OGDH: variants seen among roughly 807,000 people sequenced by gnomAD.
OGDH encodes oxoglutarate dehydrogenase.
In OGDH, 38 loss-of-function variants were observed where a neutral mutation model predicts 116.6. The observed-to-expected ratio is 0.33, with a 90% CI of 0.25 to 0.43. OGDH has a LOEUF of 0.43. Ranked by LOEUF, OGDH falls within the 20% of genes least tolerant of loss-of-function variation. The pLI, the probability that OGDH is intolerant of heterozygous loss-of-function variation, is 1.00. For missense variants in OGDH, 825 were observed against 1,357.2 expected (o/e 0.61, Z 6.16); for synonymous variants, 488 against 533.3 (o/e 0.92, Z 1.17).
intron 2 of OGDH, among the ~76,000 whole-genome samples, chr7:44,634,074 C>T (rs192019276): frequency 6.6e-6 from 1 of 152,348 alleles, no homozygotes; most frequent in East Asian, 1.9e-4. Flanking sequence ...CCCACTCCTC[C>T]CACTGCCAGC....
At chr7:44,652,598 A>C (rs1193228812) in intron 4 of OGDH, among the ~76,000 whole-genome samples, 1 of 151,880 alleles carries the variant, frequency 6.6e-6, no homozygotes, top group Non-Finnish European at 1.5e-5. Context: ...ACAGGGTCTT[A>C]TTATGTTGCC....
chr7:44,684,374 AAAATTT>A (rs1788047832), intron 10 of OGDH, among the ~76,000 whole-genome samples: 1 of 152,178 alleles, frequency 6.6e-6, no homozygotes, highest in South Asian at 2.1e-4. Flanking sequence ...GAGAGAGGGA[AAAATTT>A]AAATTTAAAT....
chr7:44,653,091 T>A (rs569893864), intron 4 of OGDH, among the ~76,000 whole-genome samples: 4 of 152,232 alleles, frequency 2.6e-5, no homozygotes, highest in African/African-American at 7.2e-5. Context: ...TGGTTTTTTT[T>A]AATTATTATT....
In OGDH at chr7:44,697,857, G is replaced by C. The variant is rs1788654209; in HGVS notation, c.2358+75G>C. 1.3e-6 allele frequency: 2 copies of C among 1,505,918 alleles called. No homozygotes were observed. The highest frequency in any genetic ancestry group is 1.8e-6 in the Non-Finnish European group (2 of 1,126,640). The allele number at this position is 1,505,918 out of a possible 1,614,324, so 93.3% of individuals were successfully genotyped here. On this transcript the variant is annotated intron_variant, in intron 17 of 22. Transcript: ENST00000222673. The surrounding 1 kb of genome is among the most constrained non-coding windows in gnomAD (Gnocchi z 6.0). Reference sequence around the variant, plus strand: ...TGTAGGACCCTGACCCCAAAGACTGGCACGAGAGCCAGTGGCTCACACCAG... The same window carrying C: ...TGTAGGACCCTGACCCCAAAGACTGCCACGAGAGCCAGTGGCTCACACCAG...
chr7:44,618,826 C>A (rs897781391), intron 1 of OGDH, among the ~76,000 whole-genome samples: 1 of 152,202 alleles, frequency 6.6e-6, no homozygotes, highest in Non-Finnish European at 1.5e-5. Context: ...GATTGTAGGT[C>A]ACAAGACACC....
At position 44,701,656 on chromosome 7, in the gene OGDH, T is replaced by C. The variant is rs746298924; in HGVS notation, c.2632+41T>C. 9 of 1,554,008 alleles carry C rather than the reference T, an allele frequency of 5.8e-6. No homozygotes were observed. In the South Asian group the frequency reaches 1.0e-4, roughly 17 times the overall value. On this transcript the variant is annotated intron_variant, in intron 20 of 22. Transcript: ENST00000222673. Reference sequence around the variant, plus strand: ...ATGGGCATTTCCTTGGGGGAAGCTATGTTTGGGGCTTCTTTGCTGCTGCTC... The same window carrying C: ...ATGGGCATTTCCTTGGGGGAAGCTACGTTTGGGGCTTCTTTGCTGCTGCTC...
At chr7:44,699,135 A>G (rs1162345006) in intron 18 of OGDH, among the ~76,000 whole-genome samples, 2 of 149,298 alleles carry the variant, frequency 1.3e-5, no homozygotes, top group Non-Finnish European at 3.0e-5. Context: ...TCCGTCTCAC[A>G]AAAAAAGAAC....
intron 10 of OGDH, among the ~76,000 whole-genome samples, chr7:44,686,962 C>T (rs1183737999): frequency 1.3e-5 from 2 of 151,836 alleles, no homozygotes; most frequent in African/African-American, 2.4e-5. Context: ...GCTGGGATTA[C>T]AGGCATGAGC....
At chr7:44,620,126 T>G (rs1288239242) in intron 1 of OGDH, among the ~76,000 whole-genome samples, 1 of 152,192 alleles carries the variant, frequency 6.6e-6, no homozygotes, top group Admixed American at 6.5e-5. Flanking sequence ...GTTCAAGGGA[T>G]TCTCCTGTCT....
At chr7:44,649,256 T>G (rs796549852) in intron 4 of OGDH, among the ~76,000 whole-genome samples, 4 of 146,860 alleles carry the variant, frequency 2.7e-5, no homozygotes, top group Non-Finnish European at 6.0e-5. Flanking sequence ...TTTTTTTTTT[T>G]TTTTTTTTTT....
intron 5 of OGDH, among the ~76,000 whole-genome samples, chr7:44,670,753 G>A (rs1435425804): frequency 6.6e-6 from 1 of 152,254 alleles, no homozygotes; most frequent in Non-Finnish European, 1.5e-5. Context: ...GCTCAAGCCT[G>A]TAATCCCAGC....
At chr7:44,674,681 C>T in intron 7 of OGDH, 124 bp downstream of exon 7, 1 of 1,016,968 alleles carries the variant, frequency 9.8e-7, no homozygotes, top group South Asian at 1.5e-5. Flanking sequence ...AGTCTGGGCT[C>T]ATCTGGTACC....
intron 4 of OGDH, among the ~76,000 whole-genome samples, chr7:44,650,834 C>T (rs1167419141): frequency 6.6e-6 from 1 of 151,924 alleles, no homozygotes; most frequent in Non-Finnish European, 1.5e-5. Context: ...AGTGTGTAGA[C>T]GGGTCAGGGA....
At chr7:44,665,970 C>T (rs1401535009) in intron 4 of OGDH, among the ~76,000 whole-genome samples, 1 of 152,186 alleles carries the variant, frequency 6.6e-6, no homozygotes, top group African/African-American at 2.4e-5. Flanking sequence ...GTTGTCTTCC[C>T]CCACAGTGCT....
intron 10 of OGDH, 121 bp downstream of exon 10, chr7:44,681,969 A>G: frequency 7.6e-7 from 1 of 1,314,126 alleles, no homozygotes; most frequent in Non-Finnish European, 1.0e-6. Context: ...ATTAAAAACC[A>G]GGTGCAGTGG....
chr7:44,643,434 A>G (rs747691338), intron 2 of OGDH, among the ~76,000 whole-genome samples: 2 of 152,232 alleles, frequency 1.3e-5, no homozygotes, highest in African/African-American at 2.4e-5. Context: ...AAAGTATTCC[A>G]CAAAACTCCC....
rs1197063611 is a variant in OGDH at position 44,663,364 on chromosome 7, G to A, written c.518-3372G>A. ...CTCATTGAAATTGTTTGGGCCAGGT[G>A]CAGTGGCTTACGCCTGTAAGCACTT... On this transcript the variant is annotated intron_variant, in intron 4 of 22. Transcript: ENST00000222673. Among the ~76,000 whole-genome samples, 3 of 152,246 alleles carry A rather than the reference G, an allele frequency of 2.0e-5. No homozygotes were observed. In the South Asian group the frequency reaches 6.2e-4, roughly 31 times the overall value.
At chr7:44,642,985 T>TG (rs1786016791) in intron 2 of OGDH, among the ~76,000 whole-genome samples, 1 of 151,634 alleles carries the variant, frequency 6.6e-6, no homozygotes, top group Admixed American at 6.6e-5. Context: ...GGCCTGGTCC[T>TG]GGTGACTCAC....
intron 2 of OGDH, among the ~76,000 whole-genome samples, chr7:44,629,575 CTT>C (rs1037295168): frequency 1.4e-4 from 19 of 134,434 alleles, no homozygotes; most frequent in African/African-American, 5.0e-4. Context: ...TTTTCTTTTT[CTT>C]TTCTTTTTTT....
Sources: allele counts gnomAD v4.1 joint callset (sites outside exome capture counted in the v4.1 genomes callset), GRCh38; gene constraint gnomAD v4.1.1; non-coding constraint Gnocchi (gnomAD v3.1); transcripts MANE v1.5; gene names NCBI Gene and HGNC (gene_info 2026-07-23, HGNC 2026-07-21).